Variants in EPM2A observed in about 807,000 individuals in gnomAD.
EPM2A encodes EPM2A glucan phosphatase, laforin, also known as laforin.
A neutral mutation model predicts 26.5 loss-of-function variants in EPM2A; 21 were observed. That is an observed-to-expected ratio of 0.79 (90% CI 0.56 to 1.14). The LOEUF (loss-of-function observed/expected upper bound fraction) is 1.14, where lower values mean the gene tolerates loss of function less well. Ranked by LOEUF, EPM2A falls within the 50% of genes most tolerant of loss-of-function variation. EPM2A has a pLI of 0.00. For synonymous variants in EPM2A, 217 were observed against 177.6 expected (o/e 1.22, Z -1.76); for missense variants, 458 against 440.8 (o/e 1.04, Z -0.35).
chr6:145,517,774 T>C (rs1165244795), intron 2 of EPM2A, among the ~76,000 whole-genome samples: 1 of 152,152 alleles, frequency 6.6e-6, no homozygotes, highest in African/African-American at 2.4e-5. Context: ...TTAACATTTT[T>C]CAGGCCCTAT....
At chr6:145,549,728 A>G (rs1298020271) in intron 2 of EPM2A, among the ~76,000 whole-genome samples, 1 of 152,106 alleles carries the variant, frequency 6.6e-6, no homozygotes, top group Non-Finnish European at 1.5e-5. Flanking sequence ...CCTTGTGATG[A>G]GCCGACTACC....
chr6:145,648,302 A>G (rs1777633155), intron 2 of EPM2A, among the ~76,000 whole-genome samples: 1 of 152,230 alleles, frequency 6.6e-6, no homozygotes, highest in African/African-American at 2.4e-5. Flanking sequence ...GATTCATAGC[A>G]ACCTAACAGA....
chr6:145,506,622 A>G (rs1779977571), intron 2 of EPM2A, among the ~76,000 whole-genome samples: 1 of 152,072 alleles, frequency 6.6e-6, no homozygotes, highest in Admixed American at 6.5e-5. Context: ...TCCAAATTGA[A>G]TATATAATAT....
chr6:145,695,595 T>G (rs1781527415), intron 1 of EPM2A, among the ~76,000 whole-genome samples: 1 of 151,854 alleles, frequency 6.6e-6, no homozygotes. Context: ...AATAAAGGGA[T>G]GGAAAAATAT....
intron 2 of EPM2A, among the ~76,000 whole-genome samples, chr6:145,519,743 C>T (rs1780178753): frequency 6.6e-6 from 1 of 152,042 alleles, no homozygotes. Flanking sequence ...AAGGAATAAG[C>T]CAATTTGCCA....
chr6:145,563,779 C>T (rs1184944412), intron 2 of EPM2A, among the ~76,000 whole-genome samples: 3 of 152,108 alleles, frequency 2.0e-5, no homozygotes, highest in Admixed American at 1.3e-4. Flanking sequence ...TCCCACCTCA[C>T]CCCCACCCTC....
chr6:145,546,207 T>G (rs1450955595), intron 2 of EPM2A, among the ~76,000 whole-genome samples: 1 of 152,118 alleles, frequency 6.6e-6, no homozygotes, highest in Non-Finnish European at 1.5e-5. Context: ...TAACTCAATC[T>G]GAGACTGAGG....
rs1280814918 is a variant in EPM2A at position 145,614,926 on chromosome 6, A to G, written c.340+20319T>C. 2.0e-5 allele frequency among the ~76,000 whole-genome samples: 3 copies of G among 152,352 alleles called. No homozygotes were observed. The East Asian group carries it at 5.8e-4, about 29-fold the overall frequency. On this transcript the variant is annotated intron_variant, in intron 2 of 3. Coordinates refer to the EPM2A transcript ENST00000450221. Reference sequence around the variant, plus strand: ...TGGATTTTATTGATGCATGGTTGCCACAAACCTTTAATTTATAGAAAACAC... The same window carrying G: ...TGGATTTTATTGATGCATGGTTGCCGCAAACCTTTAATTTATAGAAAACAC...
chr6:145,618,376 G>T (rs1471992547), intron 2 of EPM2A, among the ~76,000 whole-genome samples: 15 of 152,188 alleles, frequency 9.9e-5, no homozygotes, highest in Admixed American at 9.8e-4. Context: ...TGGAGAGAAG[G>T]ACACAGTACA....
intron 2 of EPM2A, among the ~76,000 whole-genome samples, chr6:145,539,478 C>G (rs568433582): frequency 6.6e-6 from 1 of 152,026 alleles, no homozygotes; most frequent in African/African-American, 2.4e-5. Context: ...ATTTGCCCTG[C>G]CAGCGATAAG....
At chr6:145,527,609 T>C (rs761960309) in intron 2 of EPM2A, among the ~76,000 whole-genome samples, 5 of 151,760 alleles carry the variant, frequency 3.3e-5, no homozygotes, top group African/African-American at 1.2e-4. Context: ...CCTCTGCTCA[T>C]GTGTGTGTGT....
At chr6:145,447,812 G>C (rs889737266) in intron 4 of EPM2A, among the ~76,000 whole-genome samples, 1 of 151,802 alleles carries the variant, frequency 6.6e-6, no homozygotes, top group Non-Finnish European at 1.5e-5. Flanking sequence ...ATACTCAGAG[G>C]AATAATTATT....
chr6:145,620,552 T>C (rs372975795), downstream of EPM2A, among the ~76,000 whole-genome samples: 1 of 152,222 alleles, frequency 6.6e-6, no homozygotes, highest in East Asian at 1.9e-4. Flanking sequence ...AATAAAAATA[T>C]ATAATTCCAC....
At chr6:145,466,023 A>G (rs1779386876) in intron 4 of EPM2A, among the ~76,000 whole-genome samples, 3 of 152,080 alleles carry the variant, frequency 2.0e-5, no homozygotes, top group African/African-American at 7.2e-5. Flanking sequence ...TAGACCTAAA[A>G]CCATAAAAAC....
chr6:145,609,489 ATTATTT>A (rs1197239651), intron 2 of EPM2A, among the ~76,000 whole-genome samples: 1 of 152,202 alleles, frequency 6.6e-6, no homozygotes, highest in African/African-American at 2.4e-5. Flanking sequence ...TAAACTCTAA[ATTATTT>A]TAGGAGCTGA....
At chr6:145,499,258 C>A (rs1057458404), downstream of EPM2A, among the ~76,000 whole-genome samples, 1 of 152,160 alleles carries the variant, frequency 6.6e-6, no homozygotes, top group Non-Finnish European at 1.5e-5. Flanking sequence ...TGACTCCTTG[C>A]CTCCTCTTTC....
At chr6:145,549,575 A>C (rs2114802503) in intron 2 of EPM2A, among the ~76,000 whole-genome samples, 2 of 152,254 alleles carry the variant, frequency 1.3e-5, no homozygotes, top group Middle Eastern at 6.8e-3. Context: ...GCCAAAAATA[A>C]ATAAATTCTA....
chr6:145,579,451 T>C (rs1032366881), intron 2 of EPM2A, among the ~76,000 whole-genome samples: 2 of 152,240 alleles, frequency 1.3e-5, no homozygotes, highest in African/African-American at 4.8e-5. Context: ...CATACCTTTA[T>C]GCCTGAAAAC....
At chr6:145,617,878 G>A (rs538755699) in intron 2 of EPM2A, among the ~76,000 whole-genome samples, 13 of 152,296 alleles carry the variant, frequency 8.5e-5, no homozygotes, top group Admixed American at 5.9e-4. Flanking sequence ...GGAAGGTAGA[G>A]GCTGCAATGA....
Sources: allele counts gnomAD v4.1 joint callset (sites outside exome capture counted in the v4.1 genomes callset), GRCh38; gene constraint gnomAD v4.1.1; transcripts MANE v1.5; gene names NCBI Gene and HGNC (gene_info 2026-07-23, HGNC 2026-07-21).